The following IGSF5 variants were observed in gnomAD, a reference collection of about 807,000 sequenced individuals.
The protein encoded by IGSF5 is immunoglobulin superfamily 5 like.
A neutral mutation model predicts 39.4 loss-of-function variants in IGSF5; 41 were observed. The observed-to-expected ratio is 1.04, with a 90% confidence interval of 0.81 to 1.35. The LOEUF is 1.35. Ranked by LOEUF, IGSF5 falls within the 40% of genes most tolerant of loss-of-function variation. IGSF5 has a pLI of 0.00. For missense variants in IGSF5, 487 were observed against 494.6 expected, an observed-to-expected ratio of 0.98 and a Z score of 0.15; for synonymous variants, 183 against 175.3, an observed-to-expected ratio of 1.04 and a Z score of -0.34.
chr21:39,721,299 T>C, the IGSF5 span, among the ~76,000 whole-genome samples: 1 of 152,152 alleles, frequency 6.6e-6, no homozygotes, highest in African/African-American at 2.4e-5. Context: ...CCACCTCTTA[T>C]CATTGTAAGG....
In IGSF5 at chr21:39,802,046, TTG is replaced by T. The variant is rs2087033304; in HGVS notation, c.*691_*692del. 6.6e-6 allele frequency: 1 copy of T among 152,216 alleles called. No individual in the cohort carries two copies. Among genetic ancestry groups the T allele is most frequent in the African/African-American group, 2.4e-5 (1 of 41,436 alleles). The allele number at this position is 152,216 out of a possible 1,614,324, so 9.4% of individuals were successfully genotyped here. A position where few individuals can be genotyped will look rare whatever the true frequency, so the allele number is the denominator to read the frequency against. ...ACCGTGAAAAAACTGGAAATGGGCATTGTAGTCTTTAATTAATAAAAACACCA... is the reference window on the plus strand; with the variant it reads ...ACCGTGAAAAAACTGGAAATGGGCATTAGTCTTTAATTAATAAAAACACCA... On this transcript the variant is annotated 3_prime_UTR_variant, in exon 9 of 9. Coordinates refer to ENST00000380588, the MANE Select transcript of IGSF5 (RefSeq NM_001080444.2).
chr21:39,770,847 A>T, intron 3 of IGSF5, 69 bp from the exon 4 acceptor site: 3 of 1,185,776 alleles, frequency 2.5e-6, no homozygotes, highest in Non-Finnish European at 3.3e-6. Flanking sequence ...AAAAAGAAAA[A>T]AAAAAAGAAA....
intron 8 of IGSF5, among the ~76,000 whole-genome samples, chr21:39,793,815 TAA>T (rs2086979878): frequency 6.6e-6 from 1 of 152,214 alleles, no homozygotes; most frequent in African/African-American, 2.4e-5. Context: ...GCAGTTGCTC[TAA>T]GATCAAGGCT....
chr21:39,765,875 A>G, intron 3 of IGSF5, 23 bp downstream of exon 3: 1 of 1,597,960 alleles, frequency 6.3e-7, no homozygotes, highest in Non-Finnish European at 8.6e-7. Flanking sequence ...GTGGCTTCTG[A>G]AGTCCATCAG....
chr21:39,779,189 G>C lies in IGSF5; in HGVS notation c.818G>C (p.Gly273Ala). Reference sequence around the variant, plus strand: ...GGCAAAGTTGGACTTGGACTAGCAGGCACCATGCTTCTGACGCCGACGTGT... The same window carrying C: ...GGCAAAGTTGGACTTGGACTAGCAGCCACCATGCTTCTGACGCCGACGTGT... ...TWGKVGLGLA[G>A]TMLLTPTCTL... is the part of the protein sequence containing the mutation. Residue 273 changes from glycine to alanine, a missense_variant, in exon 5 of 9, where the codon GGC becomes GCC. Transcript: ENST00000380588. The C allele has an allele frequency of 6.2e-7, 1 of 1,614,100 alleles. No individual in the cohort carries two copies. Among genetic ancestry groups the C allele is most frequent in the East Asian group, 2.2e-5 (1 of 44,870 alleles).
chr21:39,755,144 G>A (rs1342255319), intron 2 of IGSF5, among the ~76,000 whole-genome samples: 1 of 152,142 alleles, frequency 6.6e-6, no homozygotes, highest in Non-Finnish European at 1.5e-5. Context: ...GTCGTTTTCT[G>A]TAACACTGGG....
intron 2 of IGSF5, among the ~76,000 whole-genome samples, chr21:39,755,878 C>T (rs866479257): frequency 2.8e-4 from 43 of 151,832 alleles, no homozygotes; most frequent in African/African-American, 8.7e-4. Context: ...CCAAAGCAGG[C>T]GGATCACCTG....
chr21:39,746,058 T>TA (rs986041964), intron 1 of IGSF5, among the ~76,000 whole-genome samples, 158 bp from the exon 2 acceptor site: 2 of 152,256 alleles, frequency 1.3e-5, no homozygotes, highest in Admixed American at 1.3e-4. Flanking sequence ...CGGTGAGTGT[T>TA]ATAGCTCTAT....
Position 39,771,212 on chromosome 21 carries a change from CA to C in IGSF5, c.717del (p.Asp240ThrfsTer18). On this transcript the variant is annotated frameshift_variant and splice_region_variant, in exon 4 of 9. Coordinates refer to ENST00000380588, the MANE Select transcript of IGSF5 (RefSeq NM_001080444.2). LOFTEE classifies it high-confidence loss of function. ...TVNLTVIRCP[Q>X]DTGGGINIPG... ...AAATCTCACTGTGATTCGGTGTCCC[CA>C]AGGTAAGTGAAGACATTCTGCTTTA... The C allele has an allele frequency of 1.9e-6, 3 of 1,556,762 alleles. No homozygotes were observed. The East Asian group carries it at 6.9e-5, about 36-fold the overall frequency.
chr21:39,751,609 A>G (rs1185197605), intron 2 of IGSF5, among the ~76,000 whole-genome samples: 3 of 151,608 alleles, frequency 2.0e-5, no homozygotes, highest in African/African-American at 7.3e-5. Flanking sequence ...GACTTGGCTG[A>G]AATTTGATGG....
chr21:39,793,338 A>G (rs2086976418), intron 7 of IGSF5, among the ~76,000 whole-genome samples, 196 bp from the exon 8 acceptor site: 1 of 152,194 alleles, frequency 6.6e-6, no homozygotes, highest in South Asian at 2.1e-4. Context: ...TTAGTTTTCC[A>G]TATTTTTATT....
intron 5 of IGSF5, among the ~76,000 whole-genome samples, chr21:39,779,542 C>T (rs1431754186): frequency 6.6e-6 from 1 of 152,202 alleles, no homozygotes; most frequent in Non-Finnish European, 1.5e-5. Context: ...CCAGCAATCC[C>T]ATTCCTGGGT....
At chr21:39,719,964 C>T in the IGSF5 span, among the ~76,000 whole-genome samples, 1 of 152,198 alleles carries the variant, frequency 6.6e-6, no homozygotes, top group Non-Finnish European at 1.5e-5. Flanking sequence ...TTTGATTAAA[C>T]TTTTTTTGTC....
At chr21:39,777,984 G>T (rs1315792459) in intron 4 of IGSF5, among the ~76,000 whole-genome samples, 1 of 152,160 alleles carries the variant, frequency 6.6e-6, no homozygotes, top group African/African-American at 2.4e-5. Context: ...ATTTTCTAAA[G>T]ACTAGTATCT....
At position 39,789,184 on chromosome 21, in the gene IGSF5, G is replaced by A. The variant is rs570684168; in HGVS notation, c.956+996G>A. Among the ~76,000 whole-genome samples, 3 of 86,174 alleles carry A rather than the reference G, an allele frequency of 3.5e-5. No individual in the cohort carries two copies. The East Asian group carries it at 2.0e-3, about 58-fold the overall frequency. 56.5% of individuals were successfully genotyped at this position (86,174 alleles called of 152,430 possible). On this transcript the variant is annotated intron_variant, in intron 6 of 8. Transcript: ENST00000380588. The stretch of plus-strand genomic sequence containing the variant: ...CCTGGACTCTCGGTTCACCATTGTT[G>A]ACTGTGCCAACATCTTCCATTTCTG...
chr21:39,755,213 T>C (rs2080023523), intron 2 of IGSF5, among the ~76,000 whole-genome samples: 1 of 152,180 alleles, frequency 6.6e-6, no homozygotes, highest in African/African-American at 2.4e-5. Flanking sequence ...ACTGGACGAC[T>C]CAATTTCTCC....
chr21:39,713,322 A>C, the IGSF5 span, among the ~76,000 whole-genome samples: 1 of 152,026 alleles, frequency 6.6e-6, no homozygotes, highest in Non-Finnish European at 1.5e-5. Flanking sequence ...TGCTTGTCTG[A>C]CCTTATGAGT....
intron 2 of IGSF5, among the ~76,000 whole-genome samples, chr21:39,755,773 G>A (rs1033766340): frequency 2.0e-5 from 3 of 152,036 alleles, no homozygotes; most frequent in Non-Finnish European, 2.9e-5. Context: ...GGGTCCCACA[G>A]TGAAATGGTG....
Position 39,793,630 on chromosome 21 carries a change from T to C in IGSF5, c.1128+17T>C, listed in dbSNP as rs1569260032. 1.9e-6 allele frequency: 3 copies of C among 1,605,158 alleles called. No individual in the cohort carries two copies. Among genetic ancestry groups the C allele is most frequent in the Non-Finnish European group, 1.7e-6 (2 of 1,173,620 alleles). On this transcript the variant is annotated intron_variant, in intron 8 of 8. Coordinates refer to ENST00000380588, the MANE Select transcript of IGSF5 (RefSeq NM_001080444.2). Reference sequence around the variant, plus strand: ...CCTCACCAGGTAGTTTAGACCATTTTCCCCCTTTTTGGACTTTTTTGGCTA... The same window carrying C: ...CCTCACCAGGTAGTTTAGACCATTTCCCCCCTTTTTGGACTTTTTTGGCTA...
Sources: allele counts gnomAD v4.1 joint callset (sites outside exome capture counted in the v4.1 genomes callset), GRCh38; gene constraint gnomAD v4.1.1; transcripts MANE v1.5; gene names NCBI Gene and HGNC (gene_info 2026-07-23, HGNC 2026-07-21).